AK5: variants seen among roughly 807,000 people sequenced by gnomAD.
The protein encoded by AK5 is adenylate kinase isoenzyme 5.
AK5 carries 27 observed loss-of-function variants against 69.5 expected under a neutral mutation model. That is an observed-to-expected ratio of 0.39 (90% CI 0.29 to 0.54). The LOEUF is 0.54. Ranked by LOEUF, AK5 falls within the 20% of genes least tolerant of loss-of-function variation. The probability of loss-of-function intolerance (pLI) is 0.71; values close to 1 mark genes in which losing one functional copy is unlikely to be tolerated. For synonymous variants in AK5, 260 were observed against 244.4 expected (o/e 1.06, Z -0.60); for missense variants, 531 against 700.4 (o/e 0.76, Z 2.73).
At chr1:77,491,551 G>A (rs2454328) in intron 10 of AK5, among the ~76,000 whole-genome samples, 28,932 of 151,856 alleles carry the variant, frequency 0.19, 3,070 homozygotes, top group African/African-American at 0.26. Flanking sequence ...GTGATCCACC[G>A]GCCTTGGCCT....
chr1:77,401,951 C>T (rs1260560823), intron 6 of AK5, among the ~76,000 whole-genome samples: 2 of 152,138 alleles, frequency 1.3e-5, no homozygotes, highest in African/African-American at 2.4e-5. Context: ...TATTAAATGA[C>T]ATAAAACAGA....
intron 12 of AK5, among the ~76,000 whole-genome samples, chr1:77,526,465 CTTTT>C (rs917395853): frequency 2.4e-5 from 2 of 84,668 alleles, no homozygotes; most frequent in Non-Finnish European, 4.7e-5. Context: ...GAATAAAAGT[CTTTT>C]TTTTTTTTTT....
At chr1:77,324,917 C>T (rs555534640) in intron 5 of AK5, among the ~76,000 whole-genome samples, 8 of 151,852 alleles carry the variant, frequency 5.3e-5, no homozygotes, top group African/African-American at 1.9e-4. Flanking sequence ...TAACTTGAAG[C>T]TTGAATTCAT....
Position 77,297,568 on chromosome 1 carries a change from GA to G in AK5, c.427del (p.Ser143ValfsTer8). The stretch of plus-strand genomic sequence containing the variant: ...CTGTTTTAAATACTAGGTGGTCCAG[GA>G]AGTGGAAAGGGTACTCAGAGTTTGA... ...PKIILVIGGP[G>X]SGKGTQSLKI... On this transcript the variant is annotated frameshift_variant, in exon 4 of 14. Transcript: ENST00000354567. LOFTEE classifies it high-confidence loss of function. 1 of 1,604,804 alleles carries G rather than the reference GA, an allele frequency of 6.2e-7. No homozygotes were observed.
intron 8 of AK5, among the ~76,000 whole-genome samples, chr1:77,449,009 C>T (rs1418572906): frequency 1.3e-5 from 2 of 152,164 alleles, no homozygotes; most frequent in Admixed American, 6.5e-5. Flanking sequence ...GCTGCAGGGG[C>T]GGGCTCTCAT....
intron 12 of AK5, among the ~76,000 whole-genome samples, chr1:77,527,069 A>T (rs2100333425): frequency 6.6e-6 from 1 of 152,334 alleles, no homozygotes; most frequent in Non-Finnish European, 1.5e-5. Context: ...CTCTGGAGTC[A>T]GAAAATCTAG....
At chr1:77,389,529 G>A (rs1648271936) in intron 6 of AK5, among the ~76,000 whole-genome samples, 1 of 152,104 alleles carries the variant, frequency 6.6e-6, no homozygotes, top group African/African-American at 2.4e-5. Context: ...GCAGAAAAAA[G>A]GAAGATGGAG....
At chr1:77,368,249 A>C (rs1186585299) in intron 6 of AK5, among the ~76,000 whole-genome samples, 1 of 88,036 alleles carries the variant, frequency 1.1e-5, no homozygotes, top group South Asian at 4.2e-4. Context: ...ATATATATAT[A>C]TATAATATAT....
At chr1:77,355,014 T>C (rs1243816901) in intron 6 of AK5, among the ~76,000 whole-genome samples, 1 of 152,224 alleles carries the variant, frequency 6.6e-6, no homozygotes, top group Non-Finnish European at 1.5e-5. Context: ...ACTTGATATA[T>C]ACTTGATAAT....
chr1:77,429,645 T>TC (rs1486587757), intron 8 of AK5, among the ~76,000 whole-genome samples: 1 of 151,792 alleles, frequency 6.6e-6, no homozygotes, highest in Non-Finnish European at 1.5e-5. Context: ...TAGATGTGGT[T>TC]GGTGAGGTGA....
At chr1:77,416,084 A>G (rs1498404) in intron 7 of AK5, among the ~76,000 whole-genome samples, 10,835 of 152,190 alleles carry the variant, frequency 0.071, 447 homozygotes, top group East Asian at 0.12. Flanking sequence ...GCCTCACAAC[A>G]TAAGTGCAAA....
At chr1:77,462,374 T>G (rs1480782981) in intron 8 of AK5, among the ~76,000 whole-genome samples, 1 of 152,074 alleles carries the variant, frequency 6.6e-6, no homozygotes, top group Non-Finnish European at 1.5e-5. Flanking sequence ...AATGGATGAT[T>G]TATATGTGAG....
intron 8 of AK5, among the ~76,000 whole-genome samples, chr1:77,477,430 A>G (rs146659651): frequency 1.1e-4 from 17 of 152,252 alleles, no homozygotes; most frequent in Admixed American, 7.9e-4. Context: ...CTCCACCTCT[A>G]TCCCCACCAC....
In AK5 at chr1:77,518,596, G is replaced by A. The variant is rs1657799978; in HGVS notation, c.1180G>A (p.Glu394Lys). The A allele has an allele frequency of 1.9e-6, 3 of 1,614,066 alleles. No homozygotes were observed. The highest frequency in any genetic ancestry group is 2.5e-6 in the Non-Finnish European group (3 of 1,180,036). The change falls in exon 11 of 14, where the codon GAA becomes AAA. Residue 394 changes from glutamate to lysine, a missense_variant. Physicochemically the swap from Glu to Lys is moderately conservative, Grantham distance 56 (BLOSUM62 1). Coordinates refer to ENST00000354567, the MANE Select transcript of AK5 (RefSeq NM_174858.3). Reference protein sequence around the residue: ...GPGSGKGTQCEKLVEKYGFTH... With the variant: ...GPGSGKGTQCKKLVEKYGFTH... ...TGGCTCTGGCAAAGGCACACAGTGT[G>A]AAAAGCTGGTGGAAAAATATGGATT...
intron 6 of AK5, among the ~76,000 whole-genome samples, chr1:77,382,009 GC>G (rs1481465656): frequency 1.3e-5 from 2 of 152,122 alleles, no homozygotes; most frequent in Non-Finnish European, 2.9e-5. Context: ...GGGAGAGGCT[GC>G]CCAGGTCAAA....
At chr1:77,335,325 A>G (rs1376256601) in intron 5 of AK5, among the ~76,000 whole-genome samples, 2 of 152,168 alleles carry the variant, frequency 1.3e-5, no homozygotes, top group Non-Finnish European at 2.9e-5. Context: ...AGGAGAAACA[A>G]TATCAATAAT....
In AK5 at chr1:77,367,673, A is replaced by AATATATATGTTATATATACGTTATATGTT. The variant is rs1557533350; in HGVS notation, c.891+27124_891+27152dup. ...TATATGTTATATATATGTTATATAT[A>AATATATATGTTATATATACGTTATATGTT]ATATATATGTTATATATACGTTATA... On this transcript the variant is annotated intron_variant, in intron 6 of 13. Coordinates refer to ENST00000354567, the MANE Select transcript of AK5 (RefSeq NM_174858.3). 6.9e-4 allele frequency among the ~76,000 whole-genome samples: 24 copies of AATATATATGTTATATATACGTTATATGTT among 34,550 alleles called. 1 individual carries two copies. The highest frequency in any genetic ancestry group is 2.0e-3 in the African/African-American group (21 of 10,610). 22.7% of individuals were successfully genotyped at this position (34,550 alleles called of 152,430 possible). A position where few individuals can be genotyped will look rare whatever the true frequency, so the allele number is the denominator to read the frequency against.
chr1:77,392,033 A>T (rs1211552751), intron 6 of AK5, among the ~76,000 whole-genome samples: 1 of 152,216 alleles, frequency 6.6e-6, no homozygotes, highest in African/African-American at 2.4e-5. Context: ...TAAAAATGAG[A>T]AATTCTAGAA....
intron 6 of AK5, among the ~76,000 whole-genome samples, chr1:77,384,385 C>T (rs1039816792): frequency 4.6e-5 from 7 of 152,164 alleles, no homozygotes; most frequent in East Asian, 1.9e-4. Context: ...ATATCTACTA[C>T]ACTTACTGGA....
Sources: allele counts gnomAD v4.1 joint callset (sites outside exome capture counted in the v4.1 genomes callset), GRCh38; gene constraint gnomAD v4.1.1; transcripts MANE v1.5; gene names NCBI Gene and HGNC (gene_info 2026-07-23, HGNC 2026-07-21).